RANBP17: variants seen among roughly 807,000 people sequenced by gnomAD.
The protein encoded by RANBP17 is RAN binding protein 17, also known as ran-binding protein 17.
In RANBP17, 158 loss-of-function variants were observed where a neutral mutation model predicts 141.2. The ratio of observed to expected loss-of-function variants is 1.12; its 90% CI spans 0.98 to 1.28. The LOEUF is 1.28. RANBP17 is among the 50% of genes most tolerant of loss of function. RANBP17 has a pLI of 0.00. For missense variants in RANBP17, 1,438 were observed against 1,290.7 expected (o/e 1.11, Z -1.75); for synonymous variants, 430 against 450.0 (o/e 0.96, Z 0.56).
chr5:171,143,245 G>C (rs1757818772), intron 14 of RANBP17: 1 of 152,120 alleles, frequency 6.6e-6, no homozygotes, highest in African/African-American at 2.4e-5. Flanking sequence ...AATAATTCTT[G>C]TATGTGTTGC....
At chr5:171,203,526 T>TA (rs1191173590) in intron 19 of RANBP17, among the ~76,000 whole-genome samples, 2 of 152,176 alleles carry the variant, frequency 1.3e-5, no homozygotes, top group African/African-American at 4.8e-5. Flanking sequence ...AAAACATTAT[T>TA]ATATGCTTCC....
intron 22 of RANBP17, among the ~76,000 whole-genome samples, chr5:171,237,748 T>G (rs1764627760): frequency 6.6e-6 from 1 of 152,180 alleles, no homozygotes; most frequent in African/African-American, 2.4e-5. Context: ...CTCCTAGCTG[T>G]CCATCAGTGC....
intron 14 of RANBP17, among the ~76,000 whole-genome samples, chr5:170,996,105 A>C (rs1265076222): frequency 6.6e-6 from 1 of 152,126 alleles, no homozygotes; most frequent in East Asian, 1.9e-4. Flanking sequence ...TAGCCCCTCA[A>C]ATAATTTTAT....
At chr5:171,018,110 C>A (rs1780583372) in intron 14 of RANBP17, among the ~76,000 whole-genome samples, 1 of 151,882 alleles carries the variant, frequency 6.6e-6, no homozygotes, top group South Asian at 2.1e-4. Context: ...TTCCATTGGT[C>A]TGTATGTCTG....
intron 16 of RANBP17, among the ~76,000 whole-genome samples, chr5:171,174,590 G>A (rs1455150294): frequency 6.6e-6 from 1 of 152,020 alleles, no homozygotes; most frequent in South Asian, 2.1e-4. Context: ...AAAGATAATT[G>A]ATCAGTATTT....
intron 21 of RANBP17, among the ~76,000 whole-genome samples, chr5:171,215,703 CT>C (rs1763172036): frequency 6.6e-6 from 1 of 152,080 alleles, no homozygotes; most frequent in Non-Finnish European, 1.5e-5. Flanking sequence ...TAAATATCTT[CT>C]TTTGAGAAGT....
chr5:170,917,430 A>G (rs1385447340), intron 9 of RANBP17, among the ~76,000 whole-genome samples: 2 of 152,110 alleles, frequency 1.3e-5, no homozygotes, highest in South Asian at 2.1e-4. Context: ...TACATAAAAT[A>G]TTTTGTTTTA....
intron 14 of RANBP17, among the ~76,000 whole-genome samples, chr5:171,143,848 A>G (rs1162591701): frequency 1.3e-5 from 2 of 152,218 alleles, no homozygotes; most frequent in Non-Finnish European, 2.9e-5. Flanking sequence ...CCAGGTTGAA[A>G]AGGAGAGGAT....
intron 13 of RANBP17, among the ~76,000 whole-genome samples, chr5:170,963,853 C>T (rs1329873254): frequency 6.6e-6 from 1 of 152,086 alleles, no homozygotes; most frequent in African/African-American, 2.4e-5. Flanking sequence ...AAATTGTTTA[C>T]AGTTCAATTA....
intron 11 of RANBP17, among the ~76,000 whole-genome samples, chr5:170,920,089 T>C (rs550728317): frequency 7.2e-5 from 11 of 152,252 alleles, no homozygotes; most frequent in Admixed American, 6.5e-4. Context: ...TGTTTATGTT[T>C]TTGGCCATTG....
intron 12 of RANBP17, among the ~76,000 whole-genome samples, chr5:170,928,024 G>A (rs1773064871): frequency 6.6e-6 from 1 of 152,030 alleles, no homozygotes. Flanking sequence ...CTGCATCCCT[G>A]CCATCATTTG....
In RANBP17 at chr5:171,087,529, C is replaced by T. The variant is rs542500468; in HGVS notation, c.1711-82601C>T. ...ATTCCTGGATATCCTTGTTGACTTT[C>T]TGTCTTGTTGATCTGTCTAATGTTG... On this transcript the variant is annotated intron_variant, in intron 14 of 27. Transcript: ENST00000523189. Among the ~76,000 whole-genome samples, 1,483 of 152,110 alleles carry T rather than the reference C, an allele frequency of 9.7e-3. 28 individuals are homozygous for T. The highest frequency in any genetic ancestry group is 0.034 in the African/African-American group (1,425 of 41,470).
chr5:171,103,929 G>A (rs528237549), intron 14 of RANBP17, among the ~76,000 whole-genome samples: 1 of 152,306 alleles, frequency 6.6e-6, no homozygotes, highest in African/African-American at 2.4e-5. Flanking sequence ...TCTGTGGACT[G>A]TACCCACTGT....
At chr5:170,930,390 TTTA>T (rs796138492) in intron 12 of RANBP17, among the ~76,000 whole-genome samples, 3 of 151,364 alleles carry the variant, frequency 2.0e-5, no homozygotes, top group African/African-American at 7.3e-5. Context: ...TTCTAATCTT[TTTA>T]TTATTTTTTA....
intron 5 of RANBP17, chr5:170,896,376 C>A: frequency 2.5e-6 from 1 of 404,100 alleles, no homozygotes; most frequent in Admixed American, 4.4e-5. Flanking sequence ...CCCATGGGCA[C>A]TTGGAGAATT....
intron 16 of RANBP17, among the ~76,000 whole-genome samples, chr5:171,175,934 G>T (rs1362818807): frequency 6.6e-6 from 1 of 151,908 alleles, no homozygotes; most frequent in African/African-American, 2.4e-5. Flanking sequence ...GGAGTTACTT[G>T]GTCAAAAAAT....
chr5:170,922,845 A>G (rs139174354), intron 11 of RANBP17, among the ~76,000 whole-genome samples: 369 of 152,204 alleles, frequency 2.4e-3, no homozygotes, highest in African/African-American at 8.2e-3. Flanking sequence ...AACCAGTCCC[A>G]ATGAGATGAA....
intron 14 of RANBP17, among the ~76,000 whole-genome samples, chr5:171,066,505 C>T (rs1166368022): frequency 6.6e-6 from 1 of 152,114 alleles, no homozygotes; most frequent in African/African-American, 2.4e-5. Flanking sequence ...GGATATCCTT[C>T]TTTTTTAAGG....
rs982607966 is a variant in RANBP17, at chr5:171,062,387, TGTAAA to T, written c.1710+94014_1710+94018del. ...CAAAATCTCTCAGCATTTGCTTGTCTGTAAAGTATTTTATTTCTCCTTCACTTATG... is the reference window on the plus strand; with the variant it reads ...CAAAATCTCTCAGCATTTGCTTGTCTGTATTTTATTTCTCCTTCACTTATG... On this transcript the variant is annotated intron_variant, in intron 14 of 27. Coordinates refer to ENST00000523189, the MANE Select transcript of RANBP17 (RefSeq NM_022897.5). Among the ~76,000 whole-genome samples the T allele has an allele frequency of 5.3e-5, 8 of 152,222 alleles. 1 individual carries two copies. The South Asian group carries it at 1.4e-3, about 28-fold the overall frequency.
Sources: gnomAD v4.1 joint callset for allele counts (sites outside exome capture counted in the v4.1 genomes callset) on GRCh38, gnomAD v4.1.1 for gene constraint, MANE v1.5 for transcripts, NCBI Gene and HGNC (gene_info 2026-07-23, HGNC 2026-07-21) for gene names.